Variants in MYO3B observed in about 807,000 individuals in gnomAD.
MYO3B encodes the protein myosin IIIB.
Under a neutral mutation model 174.6 loss-of-function variants are expected in MYO3B, and 156 were observed. The observed-to-expected ratio is 0.89, with a 90% CI of 0.78 to 1.02. The LOEUF (loss-of-function observed/expected upper bound fraction) is 1.02. Among genes scored for constraint, MYO3B ranks in the 50% least tolerant of loss-of-function variants. MYO3B has a pLI of 0.00. For synonymous variants in MYO3B, 563 were observed against 569.1 expected (o/e 0.99, Z 0.15); for missense variants, 1,632 against 1,639.4 (o/e 1.00, Z 0.08).
intron 16 of MYO3B, among the ~76,000 whole-genome samples, chr2:170,395,144 G>C (rs2094436207): frequency 6.6e-6 from 1 of 152,092 alleles, no homozygotes. Flanking sequence ...TTGACCCTGA[G>C]TTTATTGTAA....
At chr2:170,366,592 C>T (rs148186607) in intron 8 of MYO3B, among the ~76,000 whole-genome samples, 22 of 152,278 alleles carry the variant, frequency 1.4e-4, no homozygotes, top group African/African-American at 5.3e-4. Context: ...CACGCCTGGC[C>T]AACAGATCTT....
At chr2:170,233,374 G>A (rs2093034293) in intron 6 of MYO3B, among the ~76,000 whole-genome samples, 1 of 152,218 alleles carries the variant, frequency 6.6e-6, no homozygotes, top group African/African-American at 2.4e-5. Context: ...ACAGTGTCAT[G>A]AATAACAGTG....
chr2:170,284,776 T>C (rs1382212800), intron 7 of MYO3B, among the ~76,000 whole-genome samples: 1 of 152,190 alleles, frequency 6.6e-6, no homozygotes, highest in African/African-American at 2.4e-5. Context: ...ATAAATCAAA[T>C]GTAATAAGGG....
At chr2:170,230,676 T>C (rs1445049177) in intron 6 of MYO3B, among the ~76,000 whole-genome samples, 1 of 152,140 alleles carries the variant, frequency 6.6e-6, no homozygotes, top group African/African-American at 2.4e-5. Context: ...TAATCCATGC[T>C]CTCTATAGAC....
At chr2:170,494,727 C>CAAAAAAAAAAAAAAAAAAAAAAA (rs3066990) in intron 25 of MYO3B, among the ~76,000 whole-genome samples, 3 of 92,036 alleles carry the variant, frequency 3.3e-5, no homozygotes, top group South Asian at 4.1e-4. Flanking sequence ...AACTGCGTCT[C>CAAAAAAAAAAAAAAAAAAAAAAA]AAAAAAAAAA....
At chr2:170,435,311 G>A (rs2094744741) in intron 22 of MYO3B, among the ~76,000 whole-genome samples, 1 of 152,168 alleles carries the variant, frequency 6.6e-6, no homozygotes, top group African/African-American at 2.4e-5. Flanking sequence ...GTCCAGGGCT[G>A]GTGGAAACAG....
At chr2:170,395,174 G>A (rs139606044) in intron 16 of MYO3B, among the ~76,000 whole-genome samples, 1,608 of 152,278 alleles carry the variant, frequency 0.011, 30 homozygotes, top group African/African-American at 0.036. Flanking sequence ...CCTGGTGGAG[G>A]AGTCTTCCAC....
At chr2:170,350,732 G>A (rs1433763275) in intron 8 of MYO3B, 1 of 152,130 alleles carries the variant, frequency 6.6e-6, no homozygotes, top group Non-Finnish European at 1.5e-5. Context: ...TTTTGGCCAC[G>A]TACCTTAATG....
At chr2:170,354,201 C>T (rs766937970) in intron 8 of MYO3B, among the ~76,000 whole-genome samples, 15 of 152,220 alleles carry the variant, frequency 9.9e-5, no homozygotes, top group Non-Finnish European at 2.2e-4. Flanking sequence ...CAAGAAGTGC[C>T]TGAGCTAGTG....
chr2:170,377,416 C>G (rs532149134), intron 9 of MYO3B, among the ~76,000 whole-genome samples: 2 of 152,362 alleles, frequency 1.3e-5, no homozygotes, highest in African/African-American at 2.4e-5. Context: ...GAACTCCCAG[C>G]CTCTACCTCT....
At chr2:170,547,631 C>T (rs1374338637) in intron 32 of MYO3B, among the ~76,000 whole-genome samples, 2 of 152,090 alleles carry the variant, frequency 1.3e-5, no homozygotes, top group African/African-American at 2.4e-5. Context: ...TTATAAAAGG[C>T]CAGTTTTTGG....
intron 16 of MYO3B, among the ~76,000 whole-genome samples, chr2:170,393,231 G>A (rs1451432423): frequency 6.6e-6 from 1 of 151,594 alleles, no homozygotes; most frequent in Non-Finnish European, 1.5e-5. Context: ...TTACAGGTGT[G>A]TGCCACCACA....
intron 6 of MYO3B, among the ~76,000 whole-genome samples, chr2:170,226,469 G>A (rs555380386): frequency 6.6e-6 from 1 of 152,292 alleles, no homozygotes; most frequent in East Asian, 1.9e-4. Flanking sequence ...CAACCCAGAC[G>A]CTCAGTGTTC....
chr2:170,422,462 C>CT (rs35820262), intron 22 of MYO3B, among the ~76,000 whole-genome samples: 70,039 of 144,094 alleles, frequency 0.49, 16,925 homozygotes, highest in Admixed American at 0.61. Context: ...CTATTAGCCA[C>CT]TTTTTTTTTT....
Position 170,498,684 on chromosome 2 carries a change from G to C in MYO3B, c.3107G>C (p.Trp1036Ser). The part of the protein sequence containing the change: ...AILEKSRLDH[W>S]VLGKTKVFLK... ...TTGGAAAAGTCCAGATTAGATCACTGGGTACTGGGAAAAACAAAGGTAGTT... is the reference window on the plus strand; with the variant it reads ...TTGGAAAAGTCCAGATTAGATCACTCGGTACTGGGAAAAACAAAGGTAGTT... The change falls in exon 26 of 35, where the codon TGG (tryptophan) becomes TCG (serine). Residue 1036 changes from tryptophan (W) to serine (S), a missense_variant. Trp to Ser is a radical substitution (Grantham distance 177). Transcript: ENST00000408978. 6.2e-7 allele frequency: 1 copy of C among 1,610,830 alleles called. No individual in the cohort carries two copies. Among genetic ancestry groups the C allele is most frequent in the Non-Finnish European group, 8.5e-7 (1 of 1,177,110 alleles).
intron 30 of MYO3B, among the ~76,000 whole-genome samples, chr2:170,520,742 A>G (rs1575110343): frequency 6.6e-6 from 1 of 152,108 alleles, no homozygotes; most frequent in Non-Finnish European, 1.5e-5. Context: ...GGCTAAATGT[A>G]GGCTCAAGAC....
At chr2:170,522,479 C>G (rs535907965) in intron 30 of MYO3B, among the ~76,000 whole-genome samples, 165 of 152,342 alleles carry the variant, frequency 1.1e-3, no homozygotes, top group African/African-American at 3.8e-3. Context: ...ATCTCTTTTT[C>G]TTTCTCCTTC....
chr2:170,396,761 A>G (rs1463481944), intron 16 of MYO3B, among the ~76,000 whole-genome samples: 1 of 152,196 alleles, frequency 6.6e-6, no homozygotes, highest in Admixed American at 6.5e-5. Flanking sequence ...TGATTATCCC[A>G]GTGGTGAAAT....
At chr2:170,543,095 T>G in intron 31 of MYO3B, 129 bp downstream of exon 31, 1 of 716,018 alleles carries the variant, frequency 1.4e-6, no homozygotes, top group African/African-American at 1.8e-5. Context: ...AGTGATATTT[T>G]GAAGTCTTTG....
Sources: allele counts gnomAD v4.1 joint callset (sites outside exome capture counted in the v4.1 genomes callset), GRCh38; gene constraint gnomAD v4.1.1; transcripts MANE v1.5; gene names NCBI Gene and HGNC (gene_info 2026-07-23, HGNC 2026-07-21).